The following ESPL1 variants were observed in gnomAD, a reference collection of about 807,000 sequenced individuals.
The protein encoded by ESPL1 is separin.
Under a neutral mutation model 217.2 loss-of-function variants are expected in ESPL1, and 50 were observed. That is an observed-to-expected ratio of 0.23 (90% CI 0.18 to 0.29). The LOEUF (loss-of-function observed/expected upper bound fraction) is 0.29. Ranked by LOEUF, ESPL1 falls within the 10% of genes least tolerant of loss-of-function variation. ESPL1 has a pLI of 1.00. For missense variants in ESPL1, 1,834 were observed against 2,603.0 expected, an observed-to-expected ratio of 0.70 and a Z score of 6.43; for synonymous variants, 994 against 1,081.3, an observed-to-expected ratio of 0.92 and a Z score of 1.58.
Position 53,281,605 on chromosome 12 carries a change from A to G in ESPL1, c.2598A>G (p.Gln866=). The change falls in exon 13 of 31, where the codon CAA becomes CAG. Residue 866 remains glutamine (Q), a synonymous_variant. Coordinates refer to ENST00000257934, the MANE Select transcript of ESPL1 (RefSeq NM_012291.5). ...TGACCTGTGATCTGCTTCGAAGTCAACTCTACTGGACTCACCAGAAGGTAT... is the reference window on the plus strand; with the variant it reads ...TGACCTGTGATCTGCTTCGAAGTCAGCTCTACTGGACTCACCAGAAGGTAT... ...LSLTCDLLRS[Q]LYWTHQKVTK... is the part of the protein sequence containing the mutation. 2 of 1,613,584 alleles carry G rather than the reference A, an allele frequency of 1.2e-6. No individual in the cohort carries two copies. Among genetic ancestry groups the G allele is most frequent in the Non-Finnish European group, 1.7e-6 (2 of 1,179,708 alleles).
rs567287247 is a variant in ESPL1, at chr12:53,286,751, G to A, written c.4015G>A (p.Glu1339Lys). Residue 1339 changes from glutamate to lysine, a missense_variant, in exon 18 of 31, where the codon GAA becomes AAA. By Grantham distance (56) the Glu-to-Lys change is moderately conservative (BLOSUM62 1). This residue lies in a region of ESPL1 where 681 missense variants were observed against 808.0 expected (regional missense o/e 0.84). Coordinates refer to ENST00000257934, the MANE Select transcript of ESPL1 (RefSeq NM_012291.5). This position sits in a 1 kb window ranked among gnomAD's most constrained non-coding sequence, Gnocchi z 5.3. ...CAATAATACCTCTCAGAAAGGTCTG[G>A]AAGGTAGAGGACTGCCCTGCACACC... is the stretch of plus-strand genomic sequence containing the variant. ...RLNNTSQKGL[E>K]GRGLPCTPKP... 8.7e-6 allele frequency: 14 copies of A among 1,614,180 alleles called. No individual in the cohort carries two copies. The South Asian group carries it at 9.9e-5, about 11-fold the overall frequency.
chr12:53,272,705 C>T lies in ESPL1; in HGVS notation c.1370-16C>T. 1 of 1,611,954 alleles carries T rather than the reference C, an allele frequency of 6.2e-7. No homozygotes were observed. The highest frequency in any genetic ancestry group is 8.5e-7 in the Non-Finnish European group (1 of 1,179,458). On this transcript the variant is annotated splice_polypyrimidine_tract_variant and intron_variant, in intron 5 of 30. Coordinates refer to ENST00000257934, the MANE Select transcript of ESPL1 (RefSeq NM_012291.5). ...GAGCCTTTCCTATGGTCAATTGTGCCTTTTCTCCCCTGCAGCTTCTTACAC... is the reference window on the plus strand; with the variant it reads ...GAGCCTTTCCTATGGTCAATTGTGCTTTTTCTCCCCTGCAGCTTCTTACAC...
chr12:53,290,679 G>GA (rs1016491035), intron 24 of ESPL1, among the ~76,000 whole-genome samples, 162 bp from the exon 25 acceptor site: 4 of 152,148 alleles, frequency 2.6e-5, no homozygotes, highest in Non-Finnish European at 5.9e-5. Context: ...AAGATACGCA[G>GA]AAAAAAAACG....
chr12:53,293,365 CA>C lies in ESPL1; in HGVS notation c.6255del (p.Ala2087ProfsTer7). The C allele has an allele frequency of 6.2e-7, 1 of 1,614,150 alleles. No homozygotes were observed. The highest frequency in any genetic ancestry group is 8.5e-7 in the Non-Finnish European group (1 of 1,179,998). On this transcript the variant is annotated frameshift_variant, in exon 31 of 31. Coordinates refer to ENST00000257934, the MANE Select transcript of ESPL1 (RefSeq NM_012291.5). LOFTEE classifies it high-confidence loss of function. The surrounding 1 kb of genome is among the most constrained non-coding windows in gnomAD (Gnocchi z 4.2). ...CTGCAAGGCTGGCTTGGAGCAGGCC[CA>C]GGGGCCCCCCTTCTCTACTATGTAA... is the stretch of plus-strand genomic sequence containing the variant. ...ALLQGWLGAG[P>X]GAPLLYYVNQ...
At position 53,286,565 on chromosome 12, in the gene ESPL1, C is replaced by G. The variant is rs144785442; in HGVS notation, c.3829C>G (p.Leu1277Val). The G allele has an allele frequency of 5.9e-5, 96 of 1,614,098 alleles. No individual in the cohort carries two copies. The African/African-American group carries it at 1.1e-3, about 18-fold the overall frequency. The change falls in exon 18 of 31, where the codon CTA becomes GTA. Residue 1277 changes from leucine to valine, a missense_variant. This residue lies in a region of ESPL1 where 681 missense variants were observed against 808.0 expected (regional missense o/e 0.84). Transcript: ENST00000257934. This position sits in a 1 kb window ranked among gnomAD's most constrained non-coding sequence, Gnocchi z 5.3. ...SLLLIWALTKLGGLSCCTTQL... is the reference protein window; with the variant it reads ...SLLLIWALTKVGGLSCCTTQL... ...GCTCTTGATTTGGGCCCTCACAAAA[C>G]TAGGTGGCCTCAGCTGCTGTACTAC...
At chr12:53,289,007 T>C in intron 20 of ESPL1, 83 bp from the exon 21 acceptor site, 2 of 1,124,580 alleles carry the variant, frequency 1.8e-6, no homozygotes, top group Non-Finnish European at 1.3e-6. Flanking sequence ...GGAGATGAGA[T>C]AGGGACTGTT....
chr12:53,270,197 C>A, intron 3 of ESPL1, 112 bp downstream of exon 3: 1 of 1,053,388 alleles, frequency 9.5e-7, no homozygotes, highest in Non-Finnish European at 1.4e-6. Context: ...AAGCTGCTCT[C>A]TGGACAGTGC....
chr12:53,288,439 T>G, intron 19 of ESPL1, 98 bp downstream of exon 19: 1 of 1,532,756 alleles, frequency 6.5e-7, no homozygotes, highest in Non-Finnish European at 8.8e-7. Context: ...ACAGGAAGAA[T>G]GTTCTTTTGC....
At chr12:53,271,101 GT>G (rs11378245) in intron 5 of ESPL1, among the ~76,000 whole-genome samples, 3 of 144,892 alleles carry the variant, frequency 2.1e-5, no homozygotes, top group African/African-American at 7.7e-5. Flanking sequence ...ATTTTTTAAT[GT>G]TTTTTTTTCC....
chr12:53,291,604 C>A, intron 25 of ESPL1, 86 bp from the exon 26 acceptor site: 1 of 1,404,046 alleles, frequency 7.1e-7, no homozygotes, highest in Non-Finnish European at 9.7e-7. Context: ...AAAAAGAAAA[C>A]AGGGAAAGGG....
Position 53,289,634 on chromosome 12 carries a change from C to T in ESPL1, c.5113+40C>T, listed in dbSNP as rs756226201. ...TTCTGGCCGGCTCCTCTGTCCTCTT[C>T]TGCATCTTCTTACTTGGGAGCTGGG... On this transcript the variant is annotated intron_variant, in intron 22 of 30. Transcript: ENST00000257934. The T allele has an allele frequency of 6.5e-6, 10 of 1,544,998 alleles. No homozygotes were observed. The Admixed American group carries it at 1.9e-4, about 29-fold the overall frequency.
rs748052663 is a variant in ESPL1 at position 53,276,844 on chromosome 12, C to A, written c.1925C>A (p.Thr642Lys). 7 of 1,613,644 alleles carry A rather than the reference C, an allele frequency of 4.3e-6. No individual in the cohort carries two copies. The highest frequency in any genetic ancestry group is 4.0e-5 in the African/African-American group (3 of 74,940). ...LAQVLCYHDFTQQTNCSALDA... is the reference protein window; with the variant it reads ...LAQVLCYHDFKQQTNCSALDA... The stretch of plus-strand genomic sequence containing the variant: ...CAGGTGCTCTGCTACCACGACTTTA[C>A]GCAGCAGACCAACTGGTAAGGAGTA... Residue 642 changes from threonine (T) to lysine (K), a missense_variant, in exon 8 of 31, where the codon ACG becomes AAG. By Grantham distance (78) the Thr-to-Lys change is moderately conservative. Coordinates refer to ENST00000257934, the MANE Select transcript of ESPL1 (RefSeq NM_012291.5).
chr12:53,278,455 G>T (rs913645593), intron 11 of ESPL1, among the ~76,000 whole-genome samples: 75 of 146,470 alleles, frequency 5.1e-4, no homozygotes, highest in Admixed American at 1.2e-3. Context: ...CATCCTGGGG[G>T]ACAGAGCAAG....
In ESPL1 at chr12:53,282,537, C is replaced by T; in HGVS notation, c.2791+102C>T. The T allele has an allele frequency of 9.1e-7, 1 of 1,104,274 alleles. No individual in the cohort carries two copies. The highest frequency in any genetic ancestry group is 1.3e-6 in the Non-Finnish European group (1 of 755,232). 68.4% of individuals were successfully genotyped at this position (1,104,274 alleles called of 1,614,324 possible). Reference sequence around the variant, plus strand: ...CCCCTCTGCTGGCTAACTATGTGGCCCAGCCTACCTAGAACCTGCACAGAG... The same window carrying T: ...CCCCTCTGCTGGCTAACTATGTGGCTCAGCCTACCTAGAACCTGCACAGAG... On this transcript the variant is annotated intron_variant, in intron 14 of 30. Transcript: ENST00000257934. This position sits in a 1 kb window ranked among gnomAD's most constrained non-coding sequence, Gnocchi z 4.0.
intron 5 of ESPL1, among the ~76,000 whole-genome samples, chr12:53,272,311 A>G (rs1943690662): frequency 6.6e-6 from 1 of 152,118 alleles, no homozygotes; most frequent in Non-Finnish European, 1.5e-5. Context: ...AAGAAAGGGA[A>G]TTGGGAGTCT....
At chr12:53,280,869 C>T (rs1055621281) in intron 12 of ESPL1, among the ~76,000 whole-genome samples, 1 of 151,476 alleles carries the variant, frequency 6.6e-6, no homozygotes, top group Non-Finnish European at 1.5e-5. Flanking sequence ...GGCGCATGCC[C>T]GTAATCCCAG....
rs1464156483 is a variant in ESPL1, at chr12:53,283,273, AC to A, written c.2920+17del. On this transcript the variant is annotated intron_variant, in intron 15 of 30. Transcript: ENST00000257934. ...TTGGACTATGGTGAGTCTGGGGAGG[AC>A]AGCAGGGCCCTCTTGGAATGGACAG... 6.2e-7 allele frequency: 1 copy of A among 1,614,128 alleles called. No individual in the cohort carries two copies. The highest frequency in any genetic ancestry group is 2.2e-5 in the East Asian group (1 of 44,882).
At chr12:53,273,836 G>GTTTTTTTTTTTTTTTTT (rs71096001) in intron 6 of ESPL1, among the ~76,000 whole-genome samples, 3 of 63,154 alleles carry the variant, frequency 4.8e-5, no homozygotes, top group African/African-American at 1.6e-4. Context: ...TGGTTTTTTG[G>GTTTTTTTTTTTTTTTTT]TTTTTTTTTT....
chr12:53,268,885 C>T, intron 2 of ESPL1, 38 bp downstream of exon 2: 1 of 1,562,754 alleles, frequency 6.4e-7, no homozygotes, highest in Non-Finnish European at 8.8e-7. Context: ...ACCTGGCTTT[C>T]CAAACTGAGC....
Sources: gnomAD v4.1 joint callset for allele counts (sites outside exome capture counted in the v4.1 genomes callset) on GRCh38, gnomAD v4.1.1 for gene constraint, gnomAD v4.1.1 regional missense constraint, Gnocchi (gnomAD v3.1) non-coding constraint, MANE v1.5 for transcripts, NCBI Gene and HGNC (gene_info 2026-07-23, HGNC 2026-07-21) for gene names.